Variants in RNF38 observed in about 807,000 individuals in gnomAD.
RNF38 encodes the protein ring finger protein 38.
Under a neutral mutation model 67.2 loss-of-function variants are expected in RNF38, and 15 were observed. The observed-to-expected ratio is 0.22, with a 90% CI of 0.15 to 0.34. The LOEUF (loss-of-function observed/expected upper bound fraction) is 0.34, where lower values mean the gene tolerates loss of function less well. Ranked by LOEUF, RNF38 falls within the 10% of genes least tolerant of loss-of-function variation. The pLI, the probability that RNF38 is intolerant of heterozygous loss-of-function variation, is 1.00. For missense variants in RNF38, 524 were observed against 639.9 expected (o/e 0.82, Z 1.95); for synonymous variants, 220 against 218.8 (o/e 1.01, Z -0.05).
At chr9:36,358,865 G>C (rs1174378361) in intron 4 of RNF38, among the ~76,000 whole-genome samples, 1 of 152,182 alleles carries the variant, frequency 6.6e-6, no homozygotes, top group Non-Finnish European at 1.5e-5. Flanking sequence ...CAAAAAATTA[G>C]CTGGGAGTGG....
intron 1 of RNF38, among the ~76,000 whole-genome samples, chr9:36,485,437 A>G (rs1199661642): frequency 6.6e-6 from 1 of 152,146 alleles, no homozygotes; most frequent in East Asian, 1.9e-4. Flanking sequence ...TACACTATAT[A>G]CAAGCTTATC....
intron 1 of RNF38, among the ~76,000 whole-genome samples, chr9:36,485,404 G>T (rs554082304): frequency 6.6e-6 from 1 of 151,788 alleles, no homozygotes; most frequent in East Asian, 1.9e-4. Flanking sequence ...CTCTAAGGTG[G>T]TTGGATCCAT....
Position 36,428,098 on chromosome 9 carries a change from A to C in RNF38, n.242-3415T>G, listed in dbSNP as rs530098802. ...TGGTATTTGTTACAGCAGCCTGAAG[A>C]GACTAAGGCAGGCCTTATACTACAA... On this transcript the variant is annotated intron_variant and non_coding_transcript_variant, in intron 1 of 3. Transcript: ENST00000488058. Among the ~76,000 whole-genome samples, 55 of 152,016 alleles carry C rather than the reference A, an allele frequency of 3.6e-4. 1 individual carries two copies. In the South Asian group the frequency reaches 4.0e-3, roughly 11 times the overall value.
intron 2 of RNF38, among the ~76,000 whole-genome samples, chr9:36,422,429 CAAA>C (rs527953202): frequency 7.0e-6 from 1 of 143,862 alleles, no homozygotes; most frequent in African/African-American, 2.6e-5. Flanking sequence ...CACCAAAAAA[CAAA>C]AAAAAAAAAA....
rs200434728 is a variant in RNF38, at chr9:36,339,796, T to C, written c.1504A>G (p.Ile502Val). 1.5e-5 allele frequency: 25 copies of C among 1,613,132 alleles called. No individual in the cohort carries two copies. Among genetic ancestry groups the C allele is most frequent in the East Asian group, 4.5e-5 (2 of 44,868 alleles). Residue 502 changes from isoleucine to valine, a missense_variant, in exon 12 of 12, where the codon ATT becomes GTT. This residue lies in a region of RNF38 where 63 missense variants were observed against 122.5 expected (regional missense o/e 0.51). Coordinates refer to ENST00000259605, the MANE Select transcript of RNF38 (RefSeq NM_022781.5). Reference sequence around the variant, plus strand: ...ACTTCTGAAGCATCAGCTCGGCAAATTGGGCAAGTACGATTTGCCTACAAA... The same window carrying C: ...ACTTCTGAAGCATCAGCTCGGCAAACTGGGCAAGTACGATTTGCCTACAAA... ...KWLKANRTCP[I>V]CRADASEVHR...
At chr9:36,395,138 C>T (rs1399046106) in intron 1 of RNF38, among the ~76,000 whole-genome samples, 1 of 152,198 alleles carries the variant, frequency 6.6e-6, no homozygotes, top group East Asian at 1.9e-4. Flanking sequence ...ATCAACACTA[C>T]TATTTTAGGA....
chr9:36,347,573 A>T (rs1324056561), intron 9 of RNF38, among the ~76,000 whole-genome samples: 115 of 152,200 alleles, frequency 7.6e-4, no homozygotes, highest in Non-Finnish European at 1.0e-4. Context: ...CACAAACTGT[A>T]CTTGTATAAG....
At chr9:36,464,566 G>A (rs529985947) in intron 1 of RNF38, among the ~76,000 whole-genome samples, 173 of 145,424 alleles carry the variant, frequency 1.2e-3, no homozygotes, top group Middle Eastern at 3.5e-3. Flanking sequence ...GTGAGACTCC[G>A]TCTCAAAAAA....
chr9:36,396,765 CAT>C (rs1837538992), intron 1 of RNF38, among the ~76,000 whole-genome samples: 1 of 151,120 alleles, frequency 6.6e-6, no homozygotes, highest in Non-Finnish European at 1.5e-5. Flanking sequence ...GTATATAAAA[CAT>C]AACTTAATAA....
chr9:36,375,733 C>G (rs1340852896), intron 3 of RNF38, among the ~76,000 whole-genome samples: 2 of 152,172 alleles, frequency 1.3e-5, no homozygotes, highest in Non-Finnish European at 2.9e-5. Context: ...CTTTCCATTT[C>G]TTCATCTGTC....
At chr9:36,345,176 C>A (rs1833133573) in intron 9 of RNF38, among the ~76,000 whole-genome samples, 1 of 151,868 alleles carries the variant, frequency 6.6e-6, no homozygotes, top group Non-Finnish European at 1.5e-5. Context: ...ACCACTGCAG[C>A]CCTATTAAAA....
intron 1 of RNF38, among the ~76,000 whole-genome samples, chr9:36,393,523 G>GTGT (rs1554689616): frequency 1.3e-4 from 11 of 83,574 alleles, no homozygotes; most frequent in South Asian, 3.4e-4. Context: ...GTGTGTGTGT[G>GTGT]GGGCAGGCAG....
chr9:36,358,967 C>A (rs1034220350), intron 4 of RNF38, among the ~76,000 whole-genome samples: 2 of 152,026 alleles, frequency 1.3e-5, no homozygotes, highest in South Asian at 4.1e-4. Flanking sequence ...GCTGAGATCG[C>A]GCCATTGCAC....
intron 2 of RNF38, among the ~76,000 whole-genome samples, chr9:36,420,393 G>A (rs1321887435): frequency 3.3e-5 from 5 of 151,810 alleles, no homozygotes; most frequent in Middle Eastern, 3.2e-3. Context: ...TTAGCCAGGC[G>A]TGGTGACAGG....
intron 1 of RNF38, among the ~76,000 whole-genome samples, chr9:36,457,680 G>T (rs1314707229): frequency 6.6e-6 from 1 of 152,096 alleles, no homozygotes; most frequent in African/African-American, 2.4e-5. Context: ...GACTGAGGCA[G>T]GTGGATCACT....
chr9:36,370,496 T>C (rs1248260389), intron 3 of RNF38, among the ~76,000 whole-genome samples: 2 of 152,288 alleles, frequency 1.3e-5, no homozygotes, highest in South Asian at 2.1e-4. Flanking sequence ...GCGATGAATA[T>C]GATTGAGAAT....
At chr9:36,350,173 CT>C (rs1440716400) in intron 9 of RNF38, among the ~76,000 whole-genome samples, 1 of 152,164 alleles carries the variant, frequency 6.6e-6, no homozygotes, top group Non-Finnish European at 1.5e-5. Flanking sequence ...TCTTGGGTGC[CT>C]TGTCAAAAAC....
intron 1 of RNF38, among the ~76,000 whole-genome samples, chr9:36,439,438 G>A (rs1334269547): frequency 6.6e-6 from 1 of 152,016 alleles, no homozygotes. Flanking sequence ...AGGTTGTTGC[G>A]AAGCTTATAT....
At chr9:36,401,073 A>C, upstream of RNF38, 1 of 982,054 alleles carries the variant, frequency 1.0e-6, no homozygotes, top group Non-Finnish European at 1.2e-6. Flanking sequence ...CGCCCGTCCC[A>C]CCCCGTCCCC....
Sources: allele counts gnomAD v4.1 joint callset (sites outside exome capture counted in the v4.1 genomes callset), GRCh38; gene constraint gnomAD v4.1.1; regional missense constraint gnomAD v4.1.1; transcripts MANE v1.5; gene names NCBI Gene and HGNC (gene_info 2026-07-23, HGNC 2026-07-21).